TIAM2: variants seen among roughly 807,000 people sequenced by gnomAD.
TIAM2 encodes the protein rho guanine nucleotide exchange factor TIAM2.
TIAM2 carries 80 observed loss-of-function variants against 152.9 expected under a neutral mutation model. The ratio of observed to expected loss-of-function variants is 0.52; its 90% CI spans 0.44 to 0.63. The LOEUF (loss-of-function observed/expected upper bound fraction) is 0.63. Ranked by LOEUF, TIAM2 falls within the 30% of genes least tolerant of loss-of-function variation. TIAM2 has a pLI of 0.00. For synonymous variants in TIAM2, 804 were observed against 838.0 expected (o/e 0.96, Z 0.70); for missense variants, 1,965 against 2,120.1 (o/e 0.93, Z 1.44).
At chr6:155,014,388 A>C (rs1420393837) in intron 1 of TIAM2, among the ~76,000 whole-genome samples, 1 of 152,162 alleles carries the variant, frequency 6.6e-6, no homozygotes, top group Non-Finnish European at 1.5e-5. Flanking sequence ...AAATTACTAC[A>C]GTATTATGTT....
At chr6:155,004,337 T>C (rs1040864054) in intron 1 of TIAM2, among the ~76,000 whole-genome samples, 14 of 152,172 alleles carry the variant, frequency 9.2e-5, no homozygotes, top group African/African-American at 3.4e-4. Flanking sequence ...CCATACTCTG[T>C]ATGTAGTAGC....
intron 14 of TIAM2, among the ~76,000 whole-genome samples, chr6:155,187,858 G>A (rs1008184500): frequency 6.6e-6 from 1 of 152,090 alleles, no homozygotes; most frequent in African/African-American, 2.4e-5. Flanking sequence ...GATTACACGT[G>A]TGAGTCACTG....
chr6:155,082,273 G>A (rs887428057), intron 1 of TIAM2, among the ~76,000 whole-genome samples: 7 of 152,102 alleles, frequency 4.6e-5, no homozygotes, highest in African/African-American at 1.7e-4. Context: ...AGTCTGGGAG[G>A]GAGACGCTGC....
At chr6:155,170,336 T>G (rs558616232) in intron 9 of TIAM2, among the ~76,000 whole-genome samples, 208 of 150,292 alleles carry the variant, frequency 1.4e-3, no homozygotes, top group African/African-American at 4.9e-3. Flanking sequence ...ATTCTTACTT[T>G]GAAAGTTAAG....
intron 1 of TIAM2, among the ~76,000 whole-genome samples, chr6:155,073,255 C>T (rs932282707): frequency 8.6e-5 from 13 of 151,264 alleles, no homozygotes; most frequent in Non-Finnish European, 1.3e-4. Context: ...CTCCACCTCC[C>T]GGGTTCAAGC....
At chr6:155,226,676 G>T (rs536129970) in intron 15 of TIAM2, among the ~76,000 whole-genome samples, 1 of 151,584 alleles carries the variant, frequency 6.6e-6, no homozygotes, top group Non-Finnish European at 1.5e-5. Context: ...GGGTGGGGGC[G>T]GGGGGCAGGG....
chr6:155,240,969 G>C (rs1159580935), intron 16 of TIAM2, among the ~76,000 whole-genome samples: 1 of 152,242 alleles, frequency 6.6e-6, no homozygotes, highest in African/African-American at 2.4e-5. Flanking sequence ...CAGATGTTCT[G>C]GTTTGTCATT....
intron 1 of TIAM2, among the ~76,000 whole-genome samples, chr6:155,055,678 C>A (rs1215375987): frequency 5.3e-5 from 8 of 152,064 alleles, no homozygotes; most frequent in Non-Finnish European, 4.4e-5. Context: ...AGTTGAGCAT[C>A]AGGCCAGGTG....
chr6:155,123,864 T>C (rs1228534074), intron 2 of TIAM2, among the ~76,000 whole-genome samples: 1 of 152,212 alleles, frequency 6.6e-6, no homozygotes, highest in Non-Finnish European at 1.5e-5. Context: ...AAATGAAGGC[T>C]CACTCTGATC....
chr6:155,180,515 A>C (rs916963047), intron 12 of TIAM2, among the ~76,000 whole-genome samples: 3 of 152,144 alleles, frequency 2.0e-5, no homozygotes, highest in Admixed American at 6.5e-5. Flanking sequence ...ACTAATAATA[A>C]AGTTTATAAT....
chr6:155,049,535 TTGTC>T (rs1777275591), intron 1 of TIAM2, among the ~76,000 whole-genome samples: 2 of 152,142 alleles, frequency 1.3e-5, no homozygotes, highest in South Asian at 4.1e-4. Flanking sequence ...TCTGGAAAGT[TTGTC>T]TGACTTTACT....
At chr6:155,251,060 G>A in intron 22 of TIAM2, 39 bp downstream of exon 22, 8 of 1,582,046 alleles carry the variant, frequency 5.1e-6, no homozygotes, top group Non-Finnish European at 6.9e-6. Flanking sequence ...CTGAACAGAG[G>A]CTGGGATTAC....
chr6:155,031,412 G>A (rs1419622503), intron 1 of TIAM2, among the ~76,000 whole-genome samples: 1 of 152,080 alleles, frequency 6.6e-6, no homozygotes, highest in African/African-American at 2.4e-5. Flanking sequence ...AATTGCAAAA[G>A]AGTTTTTGTT....
chr6:155,075,776 C>T (rs1777943047), intron 1 of TIAM2, among the ~76,000 whole-genome samples: 1 of 152,144 alleles, frequency 6.6e-6, no homozygotes, highest in South Asian at 2.1e-4. Flanking sequence ...AGTTAAGGTA[C>T]ATTGAACTGC....
At chr6:155,053,556 C>T (rs1219780419) in intron 1 of TIAM2, among the ~76,000 whole-genome samples, 1 of 151,698 alleles carries the variant, frequency 6.6e-6, no homozygotes, top group Non-Finnish European at 1.5e-5. Context: ...ACTCAGCCTC[C>T]CTCTCCCAGG....
chr6:155,226,308 C>T (rs960731049), intron 15 of TIAM2, among the ~76,000 whole-genome samples: 1 of 152,240 alleles, frequency 6.6e-6, no homozygotes, highest in Non-Finnish European at 1.5e-5. Context: ...CAAGGCTGCT[C>T]AGCCTCAGTA....
At chr6:155,138,593 A>G (rs1485386312) in intron 5 of TIAM2, among the ~76,000 whole-genome samples, 2 of 151,636 alleles carry the variant, frequency 1.3e-5, no homozygotes, top group Non-Finnish European at 2.9e-5. Context: ...CCATTCCCCC[A>G]TCCCTCAACA....
intron 1 of TIAM2, among the ~76,000 whole-genome samples, chr6:155,024,089 A>G (rs552541192): frequency 2.6e-5 from 4 of 152,284 alleles, no homozygotes; most frequent in African/African-American, 9.6e-5. Context: ...GTGAGGAATT[A>G]AGGAGCTGAG....
At chr6:155,120,233 G>A (rs1249911490) in intron 2 of TIAM2, among the ~76,000 whole-genome samples, 1 of 152,212 alleles carries the variant, frequency 6.6e-6, no homozygotes, top group Non-Finnish European at 1.5e-5. Context: ...CCGCAGATGG[G>A]TCTATCCATT....
Sources: allele counts gnomAD v4.1 joint callset (sites outside exome capture counted in the v4.1 genomes callset), GRCh38; gene constraint gnomAD v4.1.1; transcripts MANE v1.5; gene names NCBI Gene and HGNC (gene_info 2026-07-23, HGNC 2026-07-21).